The following ATG7 variants were observed in gnomAD, a reference collection of about 807,000 sequenced individuals.
The protein encoded by ATG7 is autophagy related 7, also known as ubiquitin-like modifier-activating enzyme ATG7.
A neutral mutation model predicts 82.4 loss-of-function variants in ATG7; 70 were observed. The ratio of observed to expected loss-of-function variants is 0.85; its 90% CI spans 0.70 to 1.04. The LOEUF is 1.04. ATG7 is among the 50% of genes least tolerant of loss of function. ATG7 has a pLI of 0.00. For missense variants in ATG7, 792 were observed against 864.3 expected, an observed-to-expected ratio of 0.92 and a Z score of 1.05; for synonymous variants, 287 against 313.0, an observed-to-expected ratio of 0.92 and a Z score of 0.88.
the ATG7 span, chr3:11,568,463 GACTTCCAGGCCCACTA>G: frequency 8.4e-6 from 10 of 1,187,502 alleles, no homozygotes; most frequent in Non-Finnish European, 1.1e-5. This position sits in a 1 kb window ranked among gnomAD's most constrained non-coding sequence, Gnocchi z 5.9. Flanking sequence ...GGGAGAAGGG[GACTTCCAGGCCCACTA>G]ACTGGAAAGA....
At chr3:11,276,275 C>T (rs1941779443) in intron 1 of ATG7, among the ~76,000 whole-genome samples, 1 of 152,158 alleles carries the variant, frequency 6.6e-6, no homozygotes, top group South Asian at 2.1e-4. Flanking sequence ...GCCTTTTATT[C>T]TAATTCTGTG....
intron 20 of ATG7, among the ~76,000 whole-genome samples, chr3:11,472,752 G>A (rs1288325672): frequency 6.6e-6 from 1 of 152,146 alleles, no homozygotes; most frequent in Non-Finnish European, 1.5e-5. Flanking sequence ...TGGTTCAACT[G>A]CTGTCTTTGA....
intron 20 of ATG7, 134 bp from the exon 21 acceptor site, chr3:11,554,677 G>A: frequency 9.2e-7 from 1 of 1,091,910 alleles, no homozygotes; most frequent in South Asian, 1.5e-5. Flanking sequence ...CAGAAATGGG[G>A]TGACAGTCCC....
chr3:11,383,573 C>T (rs1295784250), intron 19 of ATG7, among the ~76,000 whole-genome samples: 1 of 152,152 alleles, frequency 6.6e-6, no homozygotes, highest in African/African-American at 2.4e-5. Flanking sequence ...CTCAGCCCCA[C>T]AAATAGCTGG....
At chr3:11,476,552 A>G (rs2088252457) in intron 20 of ATG7, among the ~76,000 whole-genome samples, 1 of 152,040 alleles carries the variant, frequency 6.6e-6, no homozygotes, top group Non-Finnish European at 1.5e-5. Flanking sequence ...CTGAAAAGTG[A>G]GTACAAAAAA....
intron 20 of ATG7, among the ~76,000 whole-genome samples, chr3:11,510,732 G>A (rs920095273): frequency 6.6e-6 from 1 of 152,186 alleles, no homozygotes; most frequent in Non-Finnish European, 1.5e-5. Flanking sequence ...TTCACCTAGT[G>A]TTTTTGGCCA....
At chr3:11,509,990 T>G (rs1444054050) in intron 20 of ATG7, among the ~76,000 whole-genome samples, 2 of 152,204 alleles carry the variant, frequency 1.3e-5, no homozygotes, top group Non-Finnish European at 2.9e-5. Context: ...CTTTCTAAGT[T>G]GATTTCTTTG....
chr3:11,439,150 C>T (rs969466160), intron 20 of ATG7, among the ~76,000 whole-genome samples: 3 of 142,266 alleles, frequency 2.1e-5, no homozygotes, highest in African/African-American at 7.9e-5. Flanking sequence ...CTCACTGCAA[C>T]CTCCGTCTCC....
intron 20 of ATG7, among the ~76,000 whole-genome samples, chr3:11,428,037 A>G (rs2082526895): frequency 1.3e-5 from 2 of 152,220 alleles, no homozygotes; most frequent in Admixed American, 6.5e-5. Context: ...TATATAAGGA[A>G]AACCTTGACT....
At chr3:11,549,560 T>A (rs1159091538) in intron 20 of ATG7, among the ~76,000 whole-genome samples, 1 of 152,240 alleles carries the variant, frequency 6.6e-6, no homozygotes, top group Non-Finnish European at 1.5e-5. Flanking sequence ...GAGATTCATA[T>A]GTGTTGTCGC....
rs142347155 is a variant in ATG7 at position 11,468,239 on chromosome 3, A to G, written c.2079+41313A>G. Reference sequence around the variant, plus strand: ...TTAGCAAATTATTTTTACCATTTGGATTTTGGTACCAATCACCCGAGGAAT... The same window carrying G: ...TTAGCAAATTATTTTTACCATTTGGGTTTTGGTACCAATCACCCGAGGAAT... On this transcript the variant is annotated intron_variant, in intron 20 of 20. Transcript: ENST00000693202. Among the ~76,000 whole-genome samples, 46 of 152,236 alleles carry G rather than the reference A, an allele frequency of 3.0e-4. No individual in the cohort carries two copies. The East Asian group carries it at 6.9e-3, about 23-fold the overall frequency.
chr3:11,347,692 T>C (rs1954768283), intron 13 of ATG7, among the ~76,000 whole-genome samples, 185 bp from the exon 14 acceptor site: 1 of 152,236 alleles, frequency 6.6e-6, no homozygotes, highest in South Asian at 2.1e-4. Flanking sequence ...ATAATTATGT[T>C]GTTTTCTAAG....
chr3:11,377,167 C>CTTGGA (rs2077481891), intron 18 of ATG7, among the ~76,000 whole-genome samples: 2 of 152,178 alleles, frequency 1.3e-5, no homozygotes, highest in Non-Finnish European at 2.9e-5. Flanking sequence ...TGTGGAAGTA[C>CTTGGA]CCCCTTAGGA....
At chr3:11,336,927 C>A (rs908581439) in intron 11 of ATG7, among the ~76,000 whole-genome samples, 1 of 152,110 alleles carries the variant, frequency 6.6e-6, no homozygotes, top group Non-Finnish European at 1.5e-5. Flanking sequence ...CTAGCCTCAG[C>A]CACCCAAAGT....
intron 20 of ATG7, among the ~76,000 whole-genome samples, chr3:11,459,742 A>G (rs965778151): frequency 2.0e-5 from 3 of 152,384 alleles, no homozygotes; most frequent in East Asian, 3.9e-4. Context: ...CCATTCGTTC[A>G]TAATGAAACC....
chr3:11,511,838 G>A (rs932427914), intron 20 of ATG7, among the ~76,000 whole-genome samples: 2 of 152,318 alleles, frequency 1.3e-5, no homozygotes, highest in South Asian at 4.1e-4. Context: ...CACTGGCCCA[G>A]GTGCTAAGTC....
At chr3:11,303,756 G>A (rs147819466) in intron 5 of ATG7, among the ~76,000 whole-genome samples, 243 of 150,832 alleles carry the variant, frequency 1.6e-3, no homozygotes, top group African/African-American at 5.7e-3. Flanking sequence ...TTTCCCTTGA[G>A]GAATATTTGT....
chr3:11,286,503 TTTTCGGGAGG>T (rs1023828077), intron 3 of ATG7, among the ~76,000 whole-genome samples: 13 of 152,072 alleles, frequency 8.5e-5, no homozygotes, highest in African/African-American at 2.6e-4. Context: ...CTTTTGTTTC[TTTTCGGGAGG>T]ATATCTATAG....
At chr3:11,366,382 C>A (rs1225777513) in intron 18 of ATG7, among the ~76,000 whole-genome samples, 2 of 152,046 alleles carry the variant, frequency 1.3e-5, no homozygotes, top group African/African-American at 4.8e-5. Flanking sequence ...CCTCTGTCCC[C>A]CACACACAAG....
Sources: allele counts gnomAD v4.1 joint callset (sites outside exome capture counted in the v4.1 genomes callset), GRCh38; gene constraint gnomAD v4.1.1; non-coding constraint Gnocchi (gnomAD v3.1); transcripts MANE v1.5; gene names NCBI Gene and HGNC (gene_info 2026-07-23, HGNC 2026-07-21).